The following BMERB1 variants were observed in gnomAD, a reference collection of about 807,000 sequenced individuals.
BMERB1 encodes the protein bMERB domain-containing protein 1.
A neutral mutation model predicts 23.6 loss-of-function variants in BMERB1; 12 were observed. The observed-to-expected ratio is 0.51, with a 90% CI of 0.33 to 0.82. The LOEUF is 0.82. Ranked by LOEUF, BMERB1 falls within the 40% of genes least tolerant of loss-of-function variation. The pLI, the probability that BMERB1 is intolerant of heterozygous loss-of-function variation, is 0.03. For synonymous variants in BMERB1, 122 were observed against 96.6 expected, an observed-to-expected ratio of 1.26 and a Z score of -1.54; for missense variants, 247 against 255.4, an observed-to-expected ratio of 0.97 and a Z score of 0.22.
rs200807848 is a variant in BMERB1, at chr16:15,464,334, G to C, written c.106+29575G>C. ...TCTTAAAAAAAAAAAAAAAAAAAAG[G>C]ATTCCAAAGAATGTCAGGTATGGTG... On this transcript the variant is annotated intron_variant, in intron 1 of 5. Coordinates refer to ENST00000300006, the MANE Select transcript of BMERB1 (RefSeq NM_033201.3). 3.5e-4 allele frequency among the ~76,000 whole-genome samples: 50 copies of C among 143,062 alleles called. No individual in the cohort carries two copies. In the East Asian group the frequency reaches 9.2e-3, roughly 26 times the overall value. The allele number at this position is 143,062 out of a possible 152,430, so 93.9% of individuals were successfully genotyped here.
intron 2 of BMERB1, among the ~76,000 whole-genome samples, chr16:15,517,747 T>TGTGGGTGTGCGG (rs1383486217): frequency 0.017 from 2,546 of 151,672 alleles, 68 homozygotes; most frequent in African/African-American, 0.06. Context: ...TGTGTGTGGA[T>TGTGGGTGTGCGG]ATTTGTGTGG....
At chr16:15,563,120 G>C (rs1079119) in intron 2 of BMERB1, among the ~76,000 whole-genome samples, 1 of 152,044 alleles carries the variant, frequency 6.6e-6, no homozygotes, top group Non-Finnish European at 1.5e-5. Flanking sequence ...AGTGGCTCAC[G>C]CCTGTAATCC....
At chr16:15,485,400 G>A (rs779163530) in intron 1 of BMERB1, among the ~76,000 whole-genome samples, 1 of 152,170 alleles carries the variant, frequency 6.6e-6, no homozygotes, top group Non-Finnish European at 1.5e-5. Context: ...CACACTTCCT[G>A]TCTGTAAATG....
intron 3 of BMERB1, among the ~76,000 whole-genome samples, chr16:15,571,795 A>G (rs1795737981): frequency 6.6e-6 from 1 of 152,084 alleles, no homozygotes; most frequent in Admixed American, 6.5e-5. Flanking sequence ...ACTATAAATC[A>G]TCGTCCCTCC....
At chr16:15,482,037 G>T (rs1186497113) in intron 1 of BMERB1, among the ~76,000 whole-genome samples, 1 of 151,970 alleles carries the variant, frequency 6.6e-6, no homozygotes, top group African/African-American at 2.4e-5. Context: ...GGCCTGCTGT[G>T]TAATTCTAAA....
chr16:15,515,559 T>G (rs1169316694), intron 2 of BMERB1, 131 bp downstream of exon 2: 1 of 1,282,630 alleles, frequency 7.8e-7, no homozygotes, highest in Non-Finnish European at 1.0e-6. Context: ...AAAGCCTCAT[T>G]TGATTCTCAC....
intron 1 of BMERB1, among the ~76,000 whole-genome samples, chr16:15,476,806 G>A (rs1043890211): frequency 6.6e-6 from 1 of 152,142 alleles, no homozygotes; most frequent in South Asian, 2.1e-4. Flanking sequence ...ACTGGGTGGG[G>A]GATACAGGAT....
intron 1 of BMERB1, among the ~76,000 whole-genome samples, chr16:15,511,467 T>C (rs1272176147): frequency 6.6e-6 from 1 of 152,144 alleles, no homozygotes; most frequent in African/African-American, 2.4e-5. Flanking sequence ...TCCTCCCACT[T>C]ATACAGTTGT....
chr16:15,459,197 A>G (rs153804), intron 1 of BMERB1, among the ~76,000 whole-genome samples: 66,631 of 151,938 alleles, frequency 0.44, 15,401 homozygotes, highest in Middle Eastern at 0.55. Flanking sequence ...AAAGCTATTA[A>G]AAAGGAACAG....
chr16:15,439,994 C>T (rs1488999028), intron 1 of BMERB1, among the ~76,000 whole-genome samples: 4 of 151,996 alleles, frequency 2.6e-5, no homozygotes, highest in Non-Finnish European at 4.4e-5. Context: ...CCTGTAATCC[C>T]AGCACTTTGG....
At chr16:15,489,373 C>T (rs567496542) in intron 1 of BMERB1, among the ~76,000 whole-genome samples, 11 of 152,074 alleles carry the variant, frequency 7.2e-5, no homozygotes, top group Admixed American at 5.9e-4. Flanking sequence ...CTTCCAGGAA[C>T]GGGAAATTGC....
intron 1 of BMERB1, among the ~76,000 whole-genome samples, chr16:15,457,064 T>A (rs536918842): frequency 3.9e-5 from 6 of 151,992 alleles, no homozygotes; most frequent in Non-Finnish European, 5.9e-5. Flanking sequence ...GACCTCAAGT[T>A]ATCCACCCAC....
intron 1 of BMERB1, among the ~76,000 whole-genome samples, chr16:15,459,626 C>T (rs2051118740): frequency 6.6e-6 from 1 of 152,032 alleles, no homozygotes; most frequent in African/African-American, 2.4e-5. Context: ...AATTATAGAA[C>T]CTTTACAGTG....
chr16:15,454,903 A>G (rs2051071153), intron 1 of BMERB1, among the ~76,000 whole-genome samples: 1 of 152,210 alleles, frequency 6.6e-6, no homozygotes, highest in African/African-American at 2.4e-5. Flanking sequence ...CCTCCTTTGA[A>G]CATAGCAACT....
intron 3 of BMERB1, among the ~76,000 whole-genome samples, chr16:15,571,211 A>T (rs982272850): frequency 5.9e-5 from 9 of 152,126 alleles, no homozygotes; most frequent in African/African-American, 1.9e-4. Flanking sequence ...ATGTCTATAG[A>T]TGTACAGATG....
chr16:15,583,990 G>A, intron 5 of BMERB1: 1 of 702,170 alleles, frequency 1.4e-6, no homozygotes, highest in Non-Finnish European at 2.6e-6. Flanking sequence ...GGCTCAGGGA[G>A]CTCTGGCCTC....
chr16:15,442,774 T>TAG (rs2050951308), intron 1 of BMERB1, among the ~76,000 whole-genome samples: 2 of 152,164 alleles, frequency 1.3e-5, no homozygotes, highest in African/African-American at 4.8e-5. Flanking sequence ...GGCATAAAGC[T>TAG]AGAAGGTGGT....
chr16:15,469,758 T>C (rs1009376574), intron 1 of BMERB1, among the ~76,000 whole-genome samples: 2 of 152,222 alleles, frequency 1.3e-5, no homozygotes, highest in Non-Finnish European at 2.9e-5. Context: ...TTATAAATGG[T>C]AATGTGTCTT....
chr16:15,527,655 T>G (rs2051923041), intron 2 of BMERB1, among the ~76,000 whole-genome samples: 1 of 152,148 alleles, frequency 6.6e-6, no homozygotes, highest in African/African-American at 2.4e-5. Context: ...ATTTTTCTTT[T>G]TGGACACACA....
Sources: gnomAD v4.1 joint callset for allele counts (sites outside exome capture counted in the v4.1 genomes callset) on GRCh38, gnomAD v4.1.1 for gene constraint, MANE v1.5 for transcripts, NCBI Gene and HGNC (gene_info 2026-07-23, HGNC 2026-07-21) for gene names.